Variants in DAP observed in about 807,000 individuals in gnomAD.
The protein encoded by DAP is death associated protein.
Under a neutral mutation model 13.8 loss-of-function variants are expected in DAP, and 8 were observed. The observed-to-expected ratio is 0.58, with a 90% CI of 0.34 to 1.05. The LOEUF is 1.05. DAP is among the 50% of genes least tolerant of loss of function. DAP has a pLI of 0.03. For synonymous variants in DAP, 47 were observed against 47.5 expected (o/e 0.99, Z 0.04); for missense variants, 106 against 133.2 (o/e 0.80, Z 1.01).
intron 2 of DAP, among the ~76,000 whole-genome samples, chr5:10,691,107 G>GTCTT (rs1738296776): frequency 6.6e-6 from 1 of 152,158 alleles, no homozygotes; most frequent in African/African-American, 2.4e-5. Context: ...TTCATTAAAG[G>GTCTT]TCTTTATGAA....
At chr5:10,749,795 C>T (rs929654306) in intron 1 of DAP, among the ~76,000 whole-genome samples, 2 of 139,800 alleles carry the variant, frequency 1.4e-5, no homozygotes, top group African/African-American at 5.3e-5. Flanking sequence ...TCCATCAGGG[C>T]TACAGTGTTC....
chr5:10,679,948 C>T lies in DAP; in HGVS notation c.*1108G>A, dbSNP rs1252613976. On this transcript the variant is annotated 3_prime_UTR_variant, in exon 4 of 4. Transcript: ENST00000230895. The stretch of plus-strand genomic sequence containing the variant: ...TGACTAGGTGAACCCTCTGGCTTTT[C>T]GAGGACGCAGGGTACCCTACTGCCA... 13 of 152,340 alleles carry T rather than the reference C, an allele frequency of 8.5e-5. No individual in the cohort carries two copies. The highest frequency in any genetic ancestry group is 8.5e-4 in the Admixed American group (13 of 15,270). The allele number at this position is 152,340 out of a possible 1,614,324, so 9.4% of individuals were successfully genotyped here. A position where few individuals can be genotyped will look rare whatever the true frequency, so the allele number is the denominator to read the frequency against.
intron 2 of DAP, among the ~76,000 whole-genome samples, chr5:10,696,339 G>A (rs1738439471): frequency 6.6e-6 from 1 of 152,186 alleles, no homozygotes; most frequent in Non-Finnish European, 1.5e-5. Context: ...TAGGGGGTGT[G>A]GCGGGGGGGA....
At chr5:10,722,053 TTATG>T (rs1200073876) in intron 2 of DAP, among the ~76,000 whole-genome samples, 1 of 152,132 alleles carries the variant, frequency 6.6e-6, no homozygotes. Context: ...TATTTGAAGA[TTATG>T]TATGATCTCA....
chr5:10,728,858 T>A (rs990054761), intron 2 of DAP, among the ~76,000 whole-genome samples: 11 of 152,274 alleles, frequency 7.2e-5, no homozygotes, highest in Middle Eastern at 6.8e-3. Context: ...AGAGGGCCAG[T>A]CAGCCCCATC....
chr5:10,748,510 T>C (rs1356947624), intron 1 of DAP, among the ~76,000 whole-genome samples: 1 of 152,244 alleles, frequency 6.6e-6, no homozygotes, highest in Non-Finnish European at 1.5e-5. Flanking sequence ...CTTGTTTTTC[T>C]ATCTGGTCAC....
chr5:10,744,833 C>T (rs538978392), intron 2 of DAP, among the ~76,000 whole-genome samples: 2 of 152,340 alleles, frequency 1.3e-5, no homozygotes, highest in Admixed American at 6.5e-5. Flanking sequence ...AGCAAAGCCT[C>T]GTGGAGCAGC....
intron 1 of DAP, among the ~76,000 whole-genome samples, chr5:10,749,158 T>C (rs1049479935): frequency 1.3e-5 from 2 of 152,258 alleles, no homozygotes; most frequent in Non-Finnish European, 2.9e-5. Context: ...ATTCCTCTTC[T>C]TGTCAAATAT....
intron 2 of DAP, among the ~76,000 whole-genome samples, chr5:10,691,828 C>T (rs370286923): frequency 6.6e-6 from 1 of 152,194 alleles, no homozygotes; most frequent in African/African-American, 2.4e-5. Flanking sequence ...CTTTTTCACA[C>T]CCAGACTAAG....
intron 2 of DAP, among the ~76,000 whole-genome samples, chr5:10,738,014 G>A (rs1739658200): frequency 6.6e-6 from 1 of 152,190 alleles, no homozygotes; most frequent in South Asian, 2.1e-4. Context: ...ACAAGCCAGG[G>A]GATGCCAGAG....
At chr5:10,709,295 G>T (rs1244819585) in intron 2 of DAP, among the ~76,000 whole-genome samples, 2 of 152,216 alleles carry the variant, frequency 1.3e-5, no homozygotes, top group Non-Finnish European at 2.9e-5. Context: ...ACCCAGGTGA[G>T]TTACTGGGGA....
At position 10,680,815 on chromosome 5, in the gene DAP, G is replaced by A; in HGVS notation, c.*241C>T. ...TCGGATCTTGGCAAATTCTGCTAAT[G>A]GCACCTCTAGGGGCACAATGATCCT... On this transcript the variant is annotated 3_prime_UTR_variant, in exon 4 of 4. Transcript: ENST00000230895. 1 of 1,536,822 alleles carries A rather than the reference G, an allele frequency of 6.5e-7. No individual in the cohort carries two copies. Among genetic ancestry groups the A allele is most frequent in the Non-Finnish European group, 8.7e-7 (1 of 1,147,026 alleles).
intron 1 of DAP, among the ~76,000 whole-genome samples, chr5:10,748,810 A>G (rs550309183): frequency 6.6e-6 from 1 of 152,232 alleles, no homozygotes; most frequent in Non-Finnish European, 1.5e-5. Context: ...ATGTTAACTT[A>G]GTTTTAAAAA....
Position 10,680,234 on chromosome 5 carries a change from T to C in DAP, c.*822A>G, listed in dbSNP as rs113479325. The C allele has an allele frequency of 6.2e-4, 98 of 158,934 alleles. No homozygotes were observed. The highest frequency in any genetic ancestry group is 2.3e-3 in the African/African-American group (95 of 41,656). 9.8% of individuals were successfully genotyped at this position (158,934 alleles called of 1,614,324 possible). A position where few individuals can be genotyped will look rare whatever the true frequency, so the allele number is the denominator to read the frequency against. On this transcript the variant is annotated 3_prime_UTR_variant, in exon 4 of 4. Transcript: ENST00000230895. ...ACTCTCTGGCTCAAGTGTCCCAGAATGAACTAGAAGTCTATTCCTCCACCC... is the reference window on the plus strand; with the variant it reads ...ACTCTCTGGCTCAAGTGTCCCAGAACGAACTAGAAGTCTATTCCTCCACCC...
At chr5:10,688,812 G>A (rs566562736) in intron 2 of DAP, among the ~76,000 whole-genome samples, 8 of 151,786 alleles carry the variant, frequency 5.3e-5, no homozygotes, top group Non-Finnish European at 1.2e-4. Flanking sequence ...ACGCAGAGGC[G>A]CCATCCAGCA....
chr5:10,731,159 C>A (rs1480565679), intron 2 of DAP, among the ~76,000 whole-genome samples: 1 of 106,894 alleles, frequency 9.4e-6, no homozygotes, highest in Non-Finnish European at 1.9e-5. Flanking sequence ...CTACTGAGAG[C>A]CCTAGTGAGG....
At chr5:10,710,044 G>A (rs946689584) in intron 2 of DAP, among the ~76,000 whole-genome samples, 1 of 152,194 alleles carries the variant, frequency 6.6e-6, no homozygotes, top group Admixed American at 6.5e-5. Context: ...CTGTGATGAG[G>A]GAGAAGTGCC....
chr5:10,759,553 G>A (rs989391808), intron 1 of DAP, among the ~76,000 whole-genome samples: 2 of 152,066 alleles, frequency 1.3e-5, no homozygotes, highest in African/African-American at 2.4e-5. Context: ...TGCCTCTTAA[G>A]TTCTCTGGCA....
In DAP at chr5:10,761,074, GGCGGGGCTTCC is replaced by G. The variant is rs1740343495; in HGVS notation, c.-17_-7del. 2 of 1,213,962 alleles carry G rather than the reference GGCGGGGCTTCC, an allele frequency of 1.6e-6. No homozygotes were observed. The highest frequency in any genetic ancestry group is 2.1e-6 in the Non-Finnish European group (2 of 964,890). 75.2% of individuals were successfully genotyped at this position (1,213,962 alleles called of 1,614,324 possible). A position where few individuals can be genotyped will look rare whatever the true frequency, so the allele number is the denominator to read the frequency against. ...CCTTCGGGAGGCGAAGACATGACGC[GGCGGGGCTTCC>G]GCGGGGCCGAGGCGGCGGCGCGGTT... On this transcript the variant is annotated 5_prime_UTR_variant, in exon 1 of 4. Transcript: ENST00000230895.
Sources: gnomAD v4.1 joint callset for allele counts (sites outside exome capture counted in the v4.1 genomes callset) on GRCh38, gnomAD v4.1.1 for gene constraint, MANE v1.5 for transcripts, NCBI Gene and HGNC (gene_info 2026-07-23, HGNC 2026-07-21) for gene names.